Variants in MALRD1 observed in about 807,000 individuals in gnomAD.
MALRD1 encodes MAM and LDL-receptor class A domain-containing protein 1.
A neutral mutation model predicts 242.1 loss-of-function variants in MALRD1; 247 were observed. That is an observed-to-expected ratio of 1.02 (90% confidence interval 0.92 to 1.13). The LOEUF (loss-of-function observed/expected upper bound fraction) is 1.13, where lower values mean the gene tolerates loss of function less well. Among genes scored for constraint, MALRD1 ranks in the 50% most tolerant of loss-of-function variants. The pLI, the probability that MALRD1 is intolerant of heterozygous loss-of-function variation, is 0.00. For missense variants in MALRD1, 2,989 were observed against 2,533.1 expected (o/e 1.18, Z -3.86); for synonymous variants, 995 against 866.6 (o/e 1.15, Z -2.60).
Position 19,136,666 on chromosome 10 carries a change from G to T in MALRD1, c.1296G>T (p.Lys432Asn). ...CCTGTGGACAGACCCAATCCAGAAA[G>T]CTTTGCTCTGCAGACGAATTCCCTT... ...VYACGQTQSR[K>N]LCSADEFPCT... Residue 432 changes from lysine to asparagine, a missense_variant, in exon 10 of 40, where the codon AAG becomes AAT. By Grantham distance (94) the Lys-to-Asn change is moderately conservative. Transcript: ENST00000454679. 1 of 1,231,678 alleles carries T rather than the reference G, an allele frequency of 8.1e-7. No homozygotes were observed. The highest frequency in any genetic ancestry group is 1.0e-6 in the Non-Finnish European group (1 of 987,974). 76.3% of individuals were successfully genotyped at this position (1,231,678 alleles called of 1,614,324 possible).
intron 38 of MALRD1, among the ~76,000 whole-genome samples, chr10:19,694,178 T>A (rs1166125775): frequency 2.0e-5 from 3 of 152,214 alleles, no homozygotes; most frequent in Non-Finnish European, 4.4e-5. Context: ...AAGGACTTCA[T>A]GTCCAAAACA....
At chr10:19,124,901 A>T (rs1349201167) in intron 7 of MALRD1, among the ~76,000 whole-genome samples, 1 of 96,550 alleles carries the variant, frequency 1.0e-5, no homozygotes, top group East Asian at 3.5e-4. Flanking sequence ...TTCCTTCAGG[A>T]TTTATTATCG....
intron 36 of MALRD1, among the ~76,000 whole-genome samples, chr10:19,665,450 A>G (rs1841636064): frequency 6.6e-6 from 1 of 151,996 alleles, no homozygotes; most frequent in African/African-American, 2.4e-5. Flanking sequence ...GGACCTTCCT[A>G]AGGGGAATTT....
intron 12 of MALRD1, among the ~76,000 whole-genome samples, chr10:19,165,265 A>ATATATATATATTTTTTTTTT: frequency 7.7e-6 from 1 of 130,286 alleles, no homozygotes; most frequent in African/African-American, 3.2e-5. Context: ...ATATATATAT[A>ATATATATATATTTTTTTTTT]TTTTGTTTTG....
intron 28 of MALRD1, among the ~76,000 whole-genome samples, chr10:19,401,516 A>G (rs1468237414): frequency 6.6e-6 from 1 of 152,214 alleles, no homozygotes; most frequent in Non-Finnish European, 1.5e-5. Flanking sequence ...AAATCCTTAA[A>G]TATTATTTGA....
chr10:19,259,728 T>C (rs1839665508), intron 19 of MALRD1, among the ~76,000 whole-genome samples: 1 of 152,148 alleles, frequency 6.6e-6, no homozygotes, highest in Admixed American at 6.5e-5. Flanking sequence ...CCCCTGTTCC[T>C]GGAACAGGTT....
intron 4 of MALRD1, among the ~76,000 whole-genome samples, chr10:19,101,967 GTTAA>G (rs1311943672): frequency 8.7e-6 from 1 of 115,468 alleles, no homozygotes; most frequent in Non-Finnish European, 1.8e-5. Context: ...TATAATATAT[GTTAA>G]TTTATATATG....
Position 19,119,418 on chromosome 10 carries a change from C to T in MALRD1, c.695-4074C>T, listed in dbSNP as rs188958610. Among the ~76,000 whole-genome samples, 24 of 152,236 alleles carry T rather than the reference C, an allele frequency of 1.6e-4. 1 individual carries two copies. In the East Asian group the frequency reaches 4.3e-3, roughly 27 times the overall value. On this transcript the variant is annotated intron_variant, in intron 5 of 39. Coordinates refer to ENST00000454679, the MANE Select transcript of MALRD1 (RefSeq NM_001142308.3). ...GTTATATTATCATGCAAATCAGTCTCGCTGAGCATTCAGGGATCAGAGTTT... is the reference window on the plus strand; with the variant it reads ...GTTATATTATCATGCAAATCAGTCTTGCTGAGCATTCAGGGATCAGAGTTT...
intron 19 of MALRD1, among the ~76,000 whole-genome samples, chr10:19,273,702 T>C (rs1840366312): frequency 6.6e-6 from 1 of 152,114 alleles, no homozygotes; most frequent in African/African-American, 2.4e-5. Flanking sequence ...AGTAAAAACA[T>C]TAGTGTTTGC....
In MALRD1 at chr10:19,237,896, A is replaced by ATAG. The variant is rs1564491167; in HGVS notation, c.2992-19788_2992-19787insTAG. 2.8e-3 allele frequency among the ~76,000 whole-genome samples: 166 copies of ATAG among 59,878 alleles called. 5 individuals carry two copies. Among genetic ancestry groups the ATAG allele is most frequent in the East Asian group, 6.5e-3 (13 of 2,014 alleles). The allele number at this position is 59,878 out of a possible 152,430, so 39.3% of individuals were successfully genotyped here. ...AATTTTATATAGTTATATACATTAT[A>ATAG]AATAATTTTATATAGTTATATATAA... On this transcript the variant is annotated intron_variant, in intron 18 of 39. Transcript: ENST00000454679.
intron 36 of MALRD1, among the ~76,000 whole-genome samples, chr10:19,650,974 C>T (rs903256760): frequency 5.9e-5 from 9 of 152,258 alleles, no homozygotes; most frequent in African/African-American, 2.2e-4. Flanking sequence ...TCCAAACCCA[C>T]TGAGTGGATA....
At chr10:19,205,364 C>G in intron 17 of MALRD1, 99 bp downstream of exon 17, 1 of 1,351,542 alleles carries the variant, frequency 7.4e-7, no homozygotes, top group East Asian at 2.5e-5. Flanking sequence ...TAACAGTAAG[C>G]ATAGCTCCAA....
At chr10:19,629,373 C>T (rs1839812667) in intron 36 of MALRD1, among the ~76,000 whole-genome samples, 1 of 152,132 alleles carries the variant, frequency 6.6e-6, no homozygotes, top group Non-Finnish European at 1.5e-5. Context: ...GTAGATATTT[C>T]TGTCCTCCGA....
At chr10:19,152,274 G>A (rs535647116) in intron 11 of MALRD1, among the ~76,000 whole-genome samples, 7 of 152,156 alleles carry the variant, frequency 4.6e-5, no homozygotes, top group Non-Finnish European at 8.8e-5. Flanking sequence ...ATCAAGGGAC[G>A]TGTTCCTAGA....
intron 36 of MALRD1, among the ~76,000 whole-genome samples, chr10:19,638,101 C>CAAAAAAAAAAAAAAAAAAA (rs56865342): frequency 9.5e-5 from 4 of 41,924 alleles, no homozygotes; most frequent in East Asian, 1.0e-3. Context: ...AACTCACTCT[C>CAAAAAAAAAAAAAAAAAAA]AAAAAAAAAA....
At chr10:19,276,720 A>T (rs1840544257) in intron 19 of MALRD1, among the ~76,000 whole-genome samples, 1 of 152,094 alleles carries the variant, frequency 6.6e-6, no homozygotes, top group Non-Finnish European at 1.5e-5. Context: ...ATGGAAGGTA[A>T]TAACTTTGAC....
intron 1 of MALRD1, among the ~76,000 whole-genome samples, chr10:19,050,083 C>CTTTT (rs34692209): frequency 1.3e-3 from 122 of 90,592 alleles, no homozygotes; most frequent in Middle Eastern, 7.1e-3. Context: ...CATATGTCTT[C>CTTTT]TTTTTTTTTT....
chr10:19,571,568 A>G (rs1836540905), intron 33 of MALRD1, among the ~76,000 whole-genome samples: 1 of 152,184 alleles, frequency 6.6e-6, no homozygotes, highest in Non-Finnish European at 1.5e-5. Flanking sequence ...TTGTAGGCTA[A>G]AAATCTACAG....
intron 2 of MALRD1, among the ~76,000 whole-genome samples, chr10:19,074,024 T>TG (rs1835240986): frequency 6.6e-6 from 1 of 152,058 alleles, no homozygotes; most frequent in African/African-American, 2.4e-5. Context: ...TGGAGATAGT[T>TG]GCTGTGCTCA....
Sources: allele counts gnomAD v4.1 joint callset (sites outside exome capture counted in the v4.1 genomes callset), GRCh38; gene constraint gnomAD v4.1.1; transcripts MANE v1.5; gene names NCBI Gene and HGNC (gene_info 2026-07-23, HGNC 2026-07-21).